The following FLT4 variants were observed in gnomAD, a reference collection of about 807,000 sequenced individuals.
FLT4 encodes the protein vascular endothelial growth factor receptor 3.
In FLT4, 30 loss-of-function variants were observed where a neutral mutation model predicts 163.2. The observed-to-expected ratio is 0.18, with a 90% CI of 0.14 to 0.25. The LOEUF (loss-of-function observed/expected upper bound fraction) is 0.25. Among genes scored for constraint, FLT4 ranks in the 10% least tolerant of loss-of-function variants. The pLI is 1.00. For missense variants in FLT4, 1,510 were observed against 1,863.8 expected (o/e 0.81, Z 3.50); for synonymous variants, 884 against 789.5 (o/e 1.12, Z -2.01).
intron 1 of FLT4, among the ~76,000 whole-genome samples, chr5:180,641,707 G>A (rs1765121301): frequency 6.6e-6 from 1 of 152,220 alleles, no homozygotes; most frequent in African/African-American, 2.4e-5. Context: ...TGCCTTCAGA[G>A]CTTAAGGGGC....
intron 23 of FLT4, among the ~76,000 whole-genome samples, chr5:180,615,267 G>A (rs1276433069): frequency 2.4e-5 from 2 of 82,670 alleles, no homozygotes; most frequent in African/African-American, 4.4e-5. Flanking sequence ...CTCCACTTCC[G>A]AAATCCACTT....
intron 1 of FLT4, among the ~76,000 whole-genome samples, chr5:180,639,295 A>G (rs1334627555): frequency 3.9e-5 from 2 of 50,936 alleles, no homozygotes; most frequent in African/African-American, 9.1e-5. Context: ...GGAGGAGTGG[A>G]TGGGTGGGTG....
rs1764745829 is a variant in FLT4, at chr5:180,637,147, A to G, written c.59-5369T>C. On this transcript the variant is annotated intron_variant, in intron 1 of 29. Transcript: ENST00000261937. ...AGGCGGGCGGACCATCCTGGCCAAC[A>G]TGGTGAACCCCATCTCTACTAAAAA... Among the ~76,000 whole-genome samples the G allele has an allele frequency of 3.3e-5, 5 of 152,064 alleles. No homozygotes were observed. The South Asian group carries it at 1.0e-3, about 32-fold the overall frequency.
intron 26 of FLT4, among the ~76,000 whole-genome samples, chr5:180,612,069 G>T (rs1762247715): frequency 6.6e-6 from 1 of 152,202 alleles, no homozygotes; most frequent in African/African-American, 2.4e-5. Context: ...TCACAAGCCG[G>T]CTCCATCCCC....
chr5:180,613,174 G>A, intron 24 of FLT4, 64 bp from the exon 25 acceptor site: 1 of 1,190,486 alleles, frequency 8.4e-7, no homozygotes, highest in South Asian at 1.3e-5. Flanking sequence ...AGCCCCCCAA[G>A]TCACCCCATC....
chr5:180,621,657 C>A lies in FLT4; in HGVS notation c.1905G>T (p.Thr635=), dbSNP rs763955870. The A allele has an allele frequency of 1.9e-6, 3 of 1,609,010 alleles. No individual in the cohort carries two copies. The highest frequency in any genetic ancestry group is 2.2e-5 in the East Asian group (1 of 44,768). Residue 635 remains threonine, a synonymous_variant, in exon 13 of 30, where the codon ACG becomes ACT. Transcript: ENST00000261937. ...CGACGCGGGGGATACTCAGGCTGAG[C>A]GTGGCGTGGCGCGCCCCAGGTGCCA... ...EEVAPGARHA[T]LSLSIPRVAP...
At chr5:180,603,452 C>G in intron 29 of FLT4, 62 bp from the exon 30 acceptor site, 1 of 1,487,742 alleles carries the variant, frequency 6.7e-7, no homozygotes, top group Non-Finnish European at 9.3e-7. Context: ...GTGGTGCATA[C>G]TGGTAATCCC....
chr5:180,638,443 G>A (rs946035518), intron 1 of FLT4, among the ~76,000 whole-genome samples: 1 of 152,220 alleles, frequency 6.6e-6, no homozygotes, highest in Non-Finnish European at 1.5e-5. Flanking sequence ...CAGCACAGCT[G>A]CACGCACCCC....
In FLT4 at chr5:180,623,310, C is replaced by G. The variant is rs573255118; in HGVS notation, c.1549-471G>C. Among the ~76,000 whole-genome samples the G allele has an allele frequency of 6.6e-6, 1 of 152,082 alleles. No individual in the cohort carries two copies. Among genetic ancestry groups the G allele is most frequent in the South Asian group, 2.1e-4 (1 of 4,820 alleles). Reference sequence around the variant, plus strand: ...CCAGAACTGTCCTCAGCAGCAATCCCGAGGCCCAGGGTTATTGAGAGGGGT... The same window carrying G: ...CCAGAACTGTCCTCAGCAGCAATCCGGAGGCCCAGGGTTATTGAGAGGGGT... On this transcript the variant is annotated intron_variant, in intron 11 of 29. Transcript: ENST00000261937. The surrounding 1 kb of genome is among the most constrained non-coding windows in gnomAD (Gnocchi z 5.8).
intron 24 of FLT4, 157 bp from the exon 25 acceptor site, chr5:180,613,267 T>C (rs1012551190): frequency 5.2e-6 from 3 of 581,820 alleles, no homozygotes; most frequent in Non-Finnish European, 6.1e-6. Context: ...GACTGTGCTC[T>C]ACCTGGGACC....
intron 1 of FLT4, among the ~76,000 whole-genome samples, chr5:180,641,939 T>C (rs1006310791): frequency 9.9e-5 from 15 of 152,194 alleles, no homozygotes; most frequent in Non-Finnish European, 1.9e-4. Context: ...CTGGGCACAG[T>C]GGCTCACGCC....
chr5:180,634,826 G>GAGGATGGATGCATGGATGGATGGAAGTA (rs1287033256), intron 1 of FLT4, among the ~76,000 whole-genome samples: 1 of 71,222 alleles, frequency 1.4e-5, no homozygotes, highest in African/African-American at 7.5e-5. Context: ...GGGTGGGTGG[G>GAGGATGGATGCATGGATGGATGGAAGTA]TGGGAGGATG....
At position 180,614,835 on chromosome 5, in the gene FLT4, A is replaced by C. The variant is rs1482297266; in HGVS notation, c.3220-656T>G. Among the ~76,000 whole-genome samples the C allele has an allele frequency of 2.6e-5, 4 of 151,946 alleles. No homozygotes were observed. In the East Asian group the frequency reaches 5.8e-4, roughly 22 times the overall value. ...GCCATGCTGGGCTGGATGGCTCATCAAGACCAGGCCCTGGGCCCATCCTGC... is the reference window on the plus strand; with the variant it reads ...GCCATGCTGGGCTGGATGGCTCATCCAGACCAGGCCCTGGGCCCATCCTGC... On this transcript the variant is annotated intron_variant, in intron 23 of 29. Transcript: ENST00000261937.
intron 21 of FLT4, 88 bp downstream of exon 21, chr5:180,618,682 C>A: frequency 1.4e-6 from 2 of 1,451,724 alleles, no homozygotes; most frequent in Non-Finnish European, 1.9e-6. Flanking sequence ...TGAAAGCCCC[C>A]GCTGAGGACC....
At chr5:180,645,780 C>T (rs1213306584) in intron 1 of FLT4, among the ~76,000 whole-genome samples, 2 of 152,186 alleles carry the variant, frequency 1.3e-5, no homozygotes, top group Non-Finnish European at 2.9e-5. Context: ...ACCGGAAAAC[C>T]CAGATTCCAG....
At chr5:180,605,312 T>C (rs189497472) in intron 29 of FLT4, among the ~76,000 whole-genome samples, 11 of 152,326 alleles carry the variant, frequency 7.2e-5, no homozygotes, top group Admixed American at 7.2e-4. Flanking sequence ...CTGCTGTCAG[T>C]TGTATCATCA....
chr5:180,608,875 G>T (rs1761958475), intron 29 of FLT4, 93 bp downstream of exon 29: 1 of 1,116,930 alleles, frequency 9.0e-7, no homozygotes, highest in Admixed American at 1.7e-5. Flanking sequence ...AAGGTTCCGG[G>T]AAGAGGGCTG....
At chr5:180,614,024 T>G in intron 24 of FLT4, 44 bp downstream of exon 24, 1 of 1,367,530 alleles carries the variant, frequency 7.3e-7, no homozygotes, top group Non-Finnish European at 1.0e-6. Flanking sequence ...CTGCCGCCAG[T>G]GACCTCGCCT....
Position 180,603,407 on chromosome 5 carries a change from G to T in FLT4, c.3894-17C>A. 1 of 1,612,118 alleles carries T rather than the reference G, an allele frequency of 6.2e-7. No individual in the cohort carries two copies. The highest frequency in any genetic ancestry group is 1.1e-5 in the South Asian group (1 of 90,636). On this transcript the variant is annotated splice_polypyrimidine_tract_variant and intron_variant, in intron 29 of 29. Coordinates refer to ENST00000261937, the MANE Select transcript of FLT4 (RefSeq NM_182925.5). ...CCTTTACAGCTGCCAAGACAGGGAA[G>T]GTGGTGTTAGTAAGAGAAGAAGGCT... is the stretch of plus-strand genomic sequence containing the variant.
Sources: allele counts gnomAD v4.1 joint callset (sites outside exome capture counted in the v4.1 genomes callset), GRCh38; gene constraint gnomAD v4.1.1; non-coding constraint Gnocchi (gnomAD v3.1); transcripts MANE v1.5; gene names NCBI Gene and HGNC (gene_info 2026-07-23, HGNC 2026-07-21).